The following TRIM55 variants were observed in gnomAD, a reference collection of about 807,000 sequenced individuals.
TRIM55 encodes the protein tripartite motif containing 55.
A neutral mutation model predicts 60.9 loss-of-function variants in TRIM55; 50 were observed. That is an observed-to-expected ratio of 0.82 (90% CI 0.65 to 1.04). The LOEUF is 1.04. Ranked by LOEUF, TRIM55 falls within the 50% of genes least tolerant of loss-of-function variation. The probability of loss-of-function intolerance (pLI) is 0.00; values close to 1 mark genes in which losing one functional copy is unlikely to be tolerated. For missense variants in TRIM55, 681 were observed against 666.9 expected (o/e 1.02, Z -0.23); for synonymous variants, 237 against 238.1 (o/e 1.00, Z 0.04).
At chr8:66,162,165 G>T (rs540308915) in intron 9 of TRIM55, among the ~76,000 whole-genome samples, 4 of 151,888 alleles carry the variant, frequency 2.6e-5, no homozygotes, top group Admixed American at 2.6e-4. Context: ...TGTTGTAAAT[G>T]GTTTTTTATT....
At chr8:66,130,313 T>A (rs149313455) in intron 2 of TRIM55, among the ~76,000 whole-genome samples, 1 of 152,292 alleles carries the variant, frequency 6.6e-6, no homozygotes, top group Non-Finnish European at 1.5e-5. Context: ...CTTTTGTGAT[T>A]TTCTGTGATT....
intron 9 of TRIM55, among the ~76,000 whole-genome samples, 157 bp from the exon 10 acceptor site, chr8:66,174,314 C>T (rs1281062605): frequency 1.3e-5 from 2 of 151,750 alleles, no homozygotes; most frequent in Non-Finnish European, 1.5e-5. Flanking sequence ...TCTGAGCTTG[C>T]TTTCTATTTC....
chr8:66,161,104 G>A (rs1452254965), intron 9 of TRIM55, among the ~76,000 whole-genome samples: 1 of 152,052 alleles, frequency 6.6e-6, no homozygotes, highest in Non-Finnish European at 1.5e-5. Context: ...CTAAGCCAAT[G>A]TCTAGAAGGG....
At chr8:66,116,843 G>C in the TRIM55 span, among the ~76,000 whole-genome samples, 4 of 152,104 alleles carry the variant, frequency 2.6e-5, no homozygotes, top group African/African-American at 9.7e-5. Context: ...ATCAGGCAAA[G>C]ACATTATAGA....
intron 9 of TRIM55, among the ~76,000 whole-genome samples, chr8:66,167,781 C>T (rs978332519): frequency 7.9e-5 from 12 of 152,220 alleles, no homozygotes; most frequent in Middle Eastern, 3.4e-3. Context: ...AAAAGGATCT[C>T]GCTGACATCC....
At chr8:66,124,023 G>T (rs1329242702), upstream of TRIM55, among the ~76,000 whole-genome samples, 1 of 152,136 alleles carries the variant, frequency 6.6e-6, no homozygotes, top group Non-Finnish European at 1.5e-5. Flanking sequence ...GAGAAAGCCT[G>T]ACTGTCTCTG....
chr8:66,135,048 A>C lies in TRIM55; in HGVS notation c.400A>C (p.Ile134Leu). 6.2e-7 allele frequency: 1 copy of C among 1,614,196 alleles called. No individual in the cohort carries two copies. Among genetic ancestry groups the C allele is most frequent in the Non-Finnish European group, 8.5e-7 (1 of 1,180,036 alleles). Residue 134 changes from isoleucine (I) to leucine (L), a missense_variant, in exon 3 of 10, where the codon ATC becomes CTC. By Grantham distance (5) the Ile-to-Leu change is conservative (BLOSUM62 2). Transcript: ENST00000315962. Reference sequence around the variant, plus strand: ...GGAACATGAAGAGGAGCGCATCAACATCTACTGTCTGAACTGCGAAGTACC... The same window carrying C: ...GGAACATGAAGAGGAGCGCATCAACCTCTACTGTCTGAACTGCGAAGTACC... ...CEEHEEERIN[I>L]YCLNCEVPTC...
At chr8:66,156,726 T>C (rs776742781) in intron 9 of TRIM55, among the ~76,000 whole-genome samples, 27 of 152,208 alleles carry the variant, frequency 1.8e-4, no homozygotes, top group Non-Finnish European at 2.6e-4. Flanking sequence ...TTCTGGAAGC[T>C]CCCTTCATAG....
At chr8:66,119,920 T>G in the TRIM55 span, among the ~76,000 whole-genome samples, 2 of 152,242 alleles carry the variant, frequency 1.3e-5, no homozygotes, top group African/African-American at 4.8e-5. Flanking sequence ...GATTGGACAC[T>G]ACAGATATAG....
chr8:66,135,120 G>A lies in TRIM55; in HGVS notation c.472G>A (p.Val158Met), dbSNP rs1324695770. 6.2e-7 allele frequency: 1 copy of A among 1,614,052 alleles called. No individual in the cohort carries two copies. The highest frequency in any genetic ancestry group is 8.5e-7 in the Non-Finnish European group (1 of 1,180,030). Residue 158 changes from valine (V) to methionine (M), a missense_variant, in exon 3 of 10, where the codon GTG becomes ATG. Coordinates refer to ENST00000315962, the MANE Select transcript of TRIM55 (RefSeq NM_184085.2). ...KVFGAHKDCQ[V>M]APLTHVFQRQ... is the part of the protein sequence containing the mutation. ...GTTTGGTGCACACAAAGACTGCCAGGTGGCTCCCCTCACTCATGTGTTCCA... is the reference window on the plus strand; with the variant it reads ...GTTTGGTGCACACAAAGACTGCCAGATGGCTCCCCTCACTCATGTGTTCCA...
intron 9 of TRIM55, among the ~76,000 whole-genome samples, chr8:66,169,614 A>G (rs1811510786): frequency 6.6e-6 from 1 of 150,942 alleles, no homozygotes; most frequent in Admixed American, 6.6e-5. Flanking sequence ...AAATGTTAAT[A>G]GAAGCATAAA....
At chr8:66,126,972 C>T, upstream of TRIM55, 1 of 273,550 alleles carries the variant, frequency 3.7e-6, no homozygotes. Flanking sequence ...ATCCTCCTTC[C>T]CACCCACTCT....
At chr8:66,147,750 G>A (rs1414896460) in intron 4 of TRIM55, among the ~76,000 whole-genome samples, 7 of 144,936 alleles carry the variant, frequency 4.8e-5, no homozygotes, top group East Asian at 2.0e-4. Context: ...AGCCGAGATC[G>A]CGCCATTGCA....
chr8:66,154,168 C>T lies in TRIM55; in HGVS notation c.1358C>T (p.Ala453Val). 1 of 1,614,138 alleles carries T rather than the reference C, an allele frequency of 6.2e-7. No individual in the cohort carries two copies. Among genetic ancestry groups the T allele is most frequent in the Non-Finnish European group, 8.5e-7 (1 of 1,180,030 alleles). ...TGGTATAAAGGCCAAACCCGGAAAGCCACCACCAACCCACCTTGCACCCCA... is the reference window on the plus strand; with the variant it reads ...TGGTATAAAGGCCAAACCCGGAAAGTCACCACCAACCCACCTTGCACCCCA... ...PSWYKGQTRKATTNPPCTPGS... is the reference protein window; with the variant it reads ...PSWYKGQTRKVTTNPPCTPGS... The change falls in exon 9 of 10, where the codon GCC becomes GTC. Residue 453 changes from alanine to valine, a missense_variant. By Grantham distance (64) the Ala-to-Val change is moderately conservative (BLOSUM62 0). Coordinates refer to ENST00000315962, the MANE Select transcript of TRIM55 (RefSeq NM_184085.2).
Position 66,145,653 on chromosome 8 carries a change from G to A in TRIM55, c.604-3992G>A, listed in dbSNP as rs7844591. On this transcript the variant is annotated intron_variant, in intron 4 of 9. Coordinates refer to ENST00000315962, the MANE Select transcript of TRIM55 (RefSeq NM_184085.2). ...AATCTACCTTAAGCATAGTGAATTT[G>A]GGTTTTGTTTTTTTTTTCTCTTTTG... Among the ~76,000 whole-genome samples the A allele has an allele frequency of 8.6e-3, 1,310 of 151,640 alleles. 19 individuals carry two copies. The highest frequency in any genetic ancestry group is 0.03 in the African/African-American group (1,231 of 41,134).
In TRIM55 at chr8:66,165,790, A is replaced by G. The variant is rs545030111; in HGVS notation, c.1525-8681A>G. On this transcript the variant is annotated intron_variant, in intron 9 of 9. Coordinates refer to ENST00000315962, the MANE Select transcript of TRIM55 (RefSeq NM_184085.2). ...CCGGGGCCTAATAATCCTGGAAATT[A>G]TAAGAAGCTATGGTAGTGAGATGCA... is the stretch of plus-strand genomic sequence containing the variant. 3.3e-5 allele frequency among the ~76,000 whole-genome samples: 5 copies of G among 152,350 alleles called. No individual in the cohort carries two copies. The South Asian group carries it at 1.0e-3, about 32-fold the overall frequency.
At chr8:66,113,412 T>G in the TRIM55 span, 1 of 425,290 alleles carries the variant, frequency 2.4e-6, no homozygotes, top group South Asian at 1.7e-5. Context: ...AGCTACTTCC[T>G]CAGCAGGAGA....
At chr8:66,114,920 G>A in the TRIM55 span, 2 of 237,064 alleles carry the variant, frequency 8.4e-6, no homozygotes, top group African/African-American at 4.5e-5. Context: ...GTTCTATCTA[G>A]GACAGTCCTT....
At chr8:66,171,464 T>C (rs1459519335) in intron 9 of TRIM55, among the ~76,000 whole-genome samples, 2 of 152,240 alleles carry the variant, frequency 1.3e-5, no homozygotes, top group African/African-American at 4.8e-5. Flanking sequence ...AGGATGCATT[T>C]ATTAGAAGGT....
Sources: gnomAD v4.1 joint callset for allele counts (sites outside exome capture counted in the v4.1 genomes callset) on GRCh38, gnomAD v4.1.1 for gene constraint, MANE v1.5 for transcripts, NCBI Gene and HGNC (gene_info 2026-07-23, HGNC 2026-07-21) for gene names.